PCBP3: variants seen among roughly 807,000 people sequenced by gnomAD.
PCBP3 encodes the protein poly(rC)-binding protein 3.
PCBP3 carries 25 observed loss-of-function variants against 52.7 expected under a neutral mutation model. The observed-to-expected ratio is 0.47, with a 90% CI of 0.35 to 0.66. The LOEUF is 0.66. Ranked by LOEUF, PCBP3 falls within the 30% of genes least tolerant of loss-of-function variation. The pLI, the probability that PCBP3 is intolerant of heterozygous loss-of-function variation, is 0.01. For synonymous variants in PCBP3, 162 were observed against 183.0 expected, an observed-to-expected ratio of 0.89 and a Z score of 0.93; for missense variants, 391 against 490.3, an observed-to-expected ratio of 0.80 and a Z score of 1.91.
intron 2 of PCBP3, among the ~76,000 whole-genome samples, chr21:45,690,380 T>A (rs1429136565): frequency 6.6e-6 from 1 of 151,892 alleles, no homozygotes; most frequent in Non-Finnish European, 1.5e-5. Flanking sequence ...AAGGAGAAAA[T>A]CTTTCTGACC....
At position 45,647,268 on chromosome 21, in the gene PCBP3, C is replaced by T. The variant is rs1489111508; in HGVS notation, c.-279+3400C>T. Among the ~76,000 whole-genome samples the T allele has an allele frequency of 2.6e-5, 4 of 152,216 alleles. No individual in the cohort carries two copies. The East Asian group carries it at 5.8e-4, about 22-fold the overall frequency. On this transcript the variant is annotated intron_variant, in intron 1 of 17. Transcript: ENST00000681687. ...GACAGAAACTCAGGAAAACTTCCTT[C>T]TGCCTCATCCAAGCTTCAGAAATAC...
At chr21:45,649,205 A>C (rs2079523359) in intron 1 of PCBP3, among the ~76,000 whole-genome samples, 1 of 152,216 alleles carries the variant, frequency 6.6e-6, no homozygotes, top group African/African-American at 2.4e-5. Flanking sequence ...GAGCTTGTGC[A>C]GGGAAACTCC....
chr21:45,926,784 G>A (rs1035839422), intron 13 of PCBP3, among the ~76,000 whole-genome samples: 14 of 150,442 alleles, frequency 9.3e-5, no homozygotes, highest in African/African-American at 3.4e-4. Flanking sequence ...AGAAAATATA[G>A]AAGAATGTCC....
At position 45,910,962 on chromosome 21, in the gene PCBP3, G is replaced by A. The variant is rs776241132; in HGVS notation, c.532G>A (p.Val178Met). The A allele has an allele frequency of 6.2e-7, 1 of 1,612,344 alleles. No homozygotes were observed. The highest frequency in any genetic ancestry group is 8.5e-7 in the Non-Finnish European group (1 of 1,179,918). Reference protein sequence around the residue: ...DMLPNSTERAVTISGTPDAII... With the variant: ...DMLPNSTERAMTISGTPDAII... The stretch of plus-strand genomic sequence containing the variant: ...GCTGCCCAACTCCACGGAGCGAGCG[G>A]TGACCATCTCGGGGACCCCAGATGC... Residue 178 changes from valine to methionine, a missense_variant, in exon 11 of 18, where the codon GTG (valine) becomes ATG (methionine). Physicochemically the swap from Val to Met is conservative, Grantham distance 21. Transcript: ENST00000681687.
intron 5 of PCBP3, among the ~76,000 whole-genome samples, chr21:45,865,534 G>A (rs190259312): frequency 2.6e-5 from 4 of 152,276 alleles, no homozygotes; most frequent in African/African-American, 4.8e-5. Flanking sequence ...CGTGCCTCCC[G>A]CCCCATCCGC....
chr21:45,920,922 G>A (rs2074345860), intron 13 of PCBP3, among the ~76,000 whole-genome samples: 1 of 152,160 alleles, frequency 6.6e-6, no homozygotes, highest in East Asian at 1.9e-4. Flanking sequence ...AGCAGGAGTG[G>A]ACTAAGGCGC....
intron 4 of PCBP3, among the ~76,000 whole-genome samples, chr21:45,836,826 T>C (rs2093600362): frequency 6.6e-6 from 1 of 152,160 alleles, no homozygotes; most frequent in African/African-American, 2.4e-5. Flanking sequence ...CCCAAACCTG[T>C]TCTGTTTAGT....
intron 4 of PCBP3, among the ~76,000 whole-genome samples, chr21:45,758,545 T>A (rs140883357): frequency 4.6e-5 from 7 of 152,336 alleles, no homozygotes; most frequent in African/African-American, 1.7e-4. Flanking sequence ...ATTCTAAGTA[T>A]TTTTTGCTTT....
chr21:45,658,820 T>A (rs74360472), intron 1 of PCBP3, among the ~76,000 whole-genome samples: 3,930 of 152,266 alleles, frequency 0.026, 185 homozygotes, highest in African/African-American at 0.089. Flanking sequence ...TGTGGGAAAT[T>A]TTTAAAATAC....
chr21:45,913,736 C>G (rs1200089902), intron 11 of PCBP3, among the ~76,000 whole-genome samples: 2 of 152,314 alleles, frequency 1.3e-5, no homozygotes, highest in South Asian at 2.1e-4. Context: ...AAAAGGAGCC[C>G]TCTGGAGGGA....
intron 2 of PCBP3, among the ~76,000 whole-genome samples, chr21:45,693,486 C>G (rs959142919): frequency 3.3e-5 from 5 of 152,030 alleles, no homozygotes; most frequent in Non-Finnish European, 7.4e-5. Flanking sequence ...TGGAAATGCC[C>G]TGTCTTAGGA....
At chr21:45,867,269 C>T (rs1454120409) in intron 5 of PCBP3, among the ~76,000 whole-genome samples, 2 of 152,240 alleles carry the variant, frequency 1.3e-5, no homozygotes, top group East Asian at 1.9e-4. Context: ...CCTGTGGGAG[C>T]AGCAACATCG....
chr21:45,819,772 G>A (rs1234272004), intron 4 of PCBP3, among the ~76,000 whole-genome samples: 1 of 152,252 alleles, frequency 6.6e-6, no homozygotes, highest in Non-Finnish European at 1.5e-5. Flanking sequence ...GGGCGCCTCT[G>A]TCCAGTGCTG....
At chr21:45,676,782 T>C (rs1408615837) in intron 2 of PCBP3, among the ~76,000 whole-genome samples, 2 of 152,154 alleles carry the variant, frequency 1.3e-5, no homozygotes, top group African/African-American at 4.8e-5. Context: ...TTTTTTATTT[T>C]TATTTTTGAG....
intron 2 of PCBP3, among the ~76,000 whole-genome samples, chr21:45,701,721 A>C (rs1294473572): frequency 1.3e-5 from 2 of 152,104 alleles, no homozygotes; most frequent in African/African-American, 4.8e-5. Context: ...CCACCACACC[A>C]GCCTAATTTT....
Position 45,941,721 on chromosome 21 carries a change from C to T in PCBP3, c.*15C>T. ...GCACGCTGTAATCCTACCCAGCACC[C>T]TTCCCCCGCGTCACCCACCTGCCAG... On this transcript the variant is annotated 3_prime_UTR_variant, in exon 18 of 18. Transcript: ENST00000681687. 7 of 1,597,942 alleles carry T rather than the reference C, an allele frequency of 4.4e-6. No homozygotes were observed. The highest frequency in any genetic ancestry group is 6.0e-6 in the Non-Finnish European group (7 of 1,171,856).
intron 4 of PCBP3, among the ~76,000 whole-genome samples, chr21:45,779,868 A>G (rs950735307): frequency 6.6e-6 from 1 of 152,154 alleles, no homozygotes; most frequent in South Asian, 2.1e-4. Flanking sequence ...TGGTTTTATG[A>G]CTTATTATAG....
rs371627014 is a variant in PCBP3, at chr21:45,823,265, C to T, written c.-125-26696C>T. ...CCTGCATGTCGTCCTCCCCAGCGCC[C>T]GCTGGCATGGCTGCTCTGCTGTGCC... On this transcript the variant is annotated intron_variant, in intron 4 of 17. Transcript: ENST00000681687. 3.3e-5 allele frequency among the ~76,000 whole-genome samples: 5 copies of T among 152,152 alleles called. No individual in the cohort carries two copies. In the East Asian group the frequency reaches 5.8e-4, roughly 18 times the overall value.
intron 5 of PCBP3, among the ~76,000 whole-genome samples, chr21:45,864,441 A>G (rs770113396): frequency 7.9e-5 from 12 of 152,216 alleles, no homozygotes; most frequent in Non-Finnish European, 1.5e-4. Flanking sequence ...AATGCATAAT[A>G]CTTCAAAATG....
Sources: gnomAD v4.1 joint callset for allele counts (sites outside exome capture counted in the v4.1 genomes callset) on GRCh38, gnomAD v4.1.1 for gene constraint, MANE v1.5 for transcripts, NCBI Gene and HGNC (gene_info 2026-07-23, HGNC 2026-07-21) for gene names.